Variants in ST18 observed in about 807,000 individuals in gnomAD.
The protein encoded by ST18 is ST18 C2H2C-type zinc finger transcription factor.
ST18 carries 50 observed loss-of-function variants against 110.0 expected under a neutral mutation model. The ratio of observed to expected loss-of-function variants is 0.45; its 90% CI spans 0.36 to 0.58. ST18 has a LOEUF of 0.58. ST18 is among the 20% of genes least tolerant of loss of function. The probability of loss-of-function intolerance (pLI) is 0.00; values close to 1 mark genes in which losing one functional copy is unlikely to be tolerated. For missense variants in ST18, 1,306 were observed against 1,280.1 expected, an observed-to-expected ratio of 1.02 and a Z score of -0.31; for synonymous variants, 461 against 452.4, an observed-to-expected ratio of 1.02 and a Z score of -0.24.
chr8:52,401,858 T>C (rs1842892448), intron 2 of ST18, among the ~76,000 whole-genome samples: 1 of 152,190 alleles, frequency 6.6e-6, no homozygotes, highest in Admixed American at 6.5e-5. Flanking sequence ...TTCCTTGCTT[T>C]TTCATATTTC....
intron 15 of ST18, among the ~76,000 whole-genome samples, chr8:52,150,268 G>A (rs1373993430): frequency 6.6e-6 from 1 of 151,808 alleles, no homozygotes; most frequent in Admixed American, 6.6e-5. Flanking sequence ...ATGTGTGTGT[G>A]TGTGTGTGTG....
At chr8:52,271,329 T>A (rs946408200) in intron 2 of ST18, among the ~76,000 whole-genome samples, 5 of 152,192 alleles carry the variant, frequency 3.3e-5, no homozygotes, top group East Asian at 1.9e-4. Context: ...CCACCATGGA[T>A]CCAGGAGAGA....
chr8:52,219,208 A>G (rs902374820), intron 5 of ST18, among the ~76,000 whole-genome samples: 3 of 152,182 alleles, frequency 2.0e-5, no homozygotes, highest in Non-Finnish European at 4.4e-5. Flanking sequence ...AGGAAAAATC[A>G]TGGGAAAAAT....
At chr8:52,391,208 C>A (rs1026771210) in intron 2 of ST18, among the ~76,000 whole-genome samples, 6 of 152,296 alleles carry the variant, frequency 3.9e-5, no homozygotes, top group South Asian at 2.1e-4. Flanking sequence ...CCAGAGCCTT[C>A]TCTCATTCTC....
intron 2 of ST18, among the ~76,000 whole-genome samples, chr8:52,314,290 C>T (rs1011195085): frequency 6.6e-6 from 1 of 152,176 alleles, no homozygotes; most frequent in Non-Finnish European, 1.5e-5. Flanking sequence ...GGACTGTGTG[C>T]CGCTGGTTGG....
intron 23 of ST18, among the ~76,000 whole-genome samples, chr8:52,124,421 G>T (rs145680898): frequency 8.7e-4 from 133 of 152,080 alleles, no homozygotes; most frequent in African/African-American, 3.1e-3. Context: ...TGATCTGCCC[G>T]CCTCGGCCTC....
intron 8 of ST18, among the ~76,000 whole-genome samples, chr8:52,191,186 T>G (rs1320804773): frequency 6.6e-6 from 1 of 152,180 alleles, no homozygotes; most frequent in Non-Finnish European, 1.5e-5. Flanking sequence ...TAGAGGTATC[T>G]GTGCTCAGAA....
At chr8:52,151,218 C>T (rs1407017026) in intron 15 of ST18, among the ~76,000 whole-genome samples, 4 of 152,054 alleles carry the variant, frequency 2.6e-5, no homozygotes, top group African/African-American at 4.8e-5. Flanking sequence ...CCCAAACAGG[C>T]GCCACTGGGC....
chr8:52,306,094 C>T lies in ST18; in HGVS notation c.-464-76017G>A, dbSNP rs533682383. ...CCACACAGCCACACTCCACATCATGCAGCATGGCTGACTGTTCCCTAGGCT... is the reference window on the plus strand; with the variant it reads ...CCACACAGCCACACTCCACATCATGTAGCATGGCTGACTGTTCCCTAGGCT... On this transcript the variant is annotated intron_variant, in intron 2 of 25. Coordinates refer to ENST00000689386, the MANE Select transcript of ST18 (RefSeq NM_001352837.2). Among the ~76,000 whole-genome samples the T allele has an allele frequency of 2.0e-5, 3 of 152,354 alleles. No individual in the cohort carries two copies. The East Asian group carries it at 5.8e-4, about 29-fold the overall frequency.
intron 2 of ST18, among the ~76,000 whole-genome samples, chr8:52,311,237 C>T (rs2095901917): frequency 6.6e-6 from 1 of 152,180 alleles, no homozygotes; most frequent in Non-Finnish European, 1.5e-5. Context: ...CAGTGAGGAC[C>T]AGGCTGAGCT....
intron 2 of ST18, among the ~76,000 whole-genome samples, chr8:52,340,140 C>T (rs1254530178): frequency 2.0e-5 from 3 of 152,246 alleles, no homozygotes; most frequent in Non-Finnish European, 4.4e-5. Context: ...CTTCGAAGCT[C>T]AATGCCATCT....
In ST18 at chr8:52,165,197, C is replaced by G; in HGVS notation, c.1233G>C (p.Lys411Asn). Residue 411 changes from lysine (K) to asparagine (N), a missense_variant, in exon 12 of 26, where the codon AAG (lysine) becomes AAC (asparagine). By Grantham distance (94) the Lys-to-Asn change is moderately conservative (BLOSUM62 0). Coordinates refer to ENST00000689386, the MANE Select transcript of ST18 (RefSeq NM_001352837.2). ...TTCCTGTGCATCCCGGCGTGGGACACTTGAGCACATTTTCATGCATGGCAA... is the reference window on the plus strand; with the variant it reads ...TTCCTGTGCATCCCGGCGTGGGACAGTTGAGCACATTTTCATGCATGGCAA... ...EILAMHENVL[K>N]CPTPGCTGRG... 1 of 1,614,192 alleles carries G rather than the reference C, an allele frequency of 6.2e-7. No homozygotes were observed. Among genetic ancestry groups the G allele is most frequent in the Non-Finnish European group, 8.5e-7 (1 of 1,180,026 alleles).
At chr8:52,276,918 C>A (rs1298248984) in intron 2 of ST18, among the ~76,000 whole-genome samples, 1 of 152,042 alleles carries the variant, frequency 6.6e-6, no homozygotes, top group East Asian at 1.9e-4. Context: ...TGGTGCCCAC[C>A]ACCACGCCCA....
chr8:52,353,322 ATAAAT>A (rs1403179298), intron 2 of ST18, among the ~76,000 whole-genome samples: 2 of 152,360 alleles, frequency 1.3e-5, no homozygotes, highest in Admixed American at 6.5e-5. Flanking sequence ...CTCACTATAA[ATAAAT>A]TATTTTAAAG....
At chr8:52,374,849 C>A (rs1219466425) in intron 2 of ST18, among the ~76,000 whole-genome samples, 1 of 152,188 alleles carries the variant, frequency 6.6e-6, no homozygotes, top group Non-Finnish European at 1.5e-5. Flanking sequence ...CATATCCCTG[C>A]AAAGGACATG....
intron 23 of ST18, among the ~76,000 whole-genome samples, chr8:52,120,437 G>T (rs941941634): frequency 2.6e-5 from 4 of 152,150 alleles, no homozygotes; most frequent in African/African-American, 9.7e-5. Flanking sequence ...TGTTCTGAAG[G>T]AAGCACAAAG....
chr8:52,131,538 A>G (rs553927165), intron 22 of ST18, among the ~76,000 whole-genome samples: 35 of 152,318 alleles, frequency 2.3e-4, no homozygotes, highest in African/African-American at 7.7e-4. Context: ...AAATAACTAC[A>G]ATTTTGCCCC....
chr8:52,348,925 A>G (rs943186127), intron 2 of ST18, among the ~76,000 whole-genome samples: 1 of 152,152 alleles, frequency 6.6e-6, no homozygotes, highest in Non-Finnish European at 1.5e-5. Flanking sequence ...TTACAATACC[A>G]TATTGTACAA....
intron 2 of ST18, among the ~76,000 whole-genome samples, chr8:52,347,577 CTTG>C (rs1818344906): frequency 6.6e-6 from 1 of 152,092 alleles, no homozygotes; most frequent in Admixed American, 6.6e-5. Flanking sequence ...CCTCATTTTT[CTTG>C]TTGGTGAGCC....
Sources: allele counts gnomAD v4.1 joint callset (sites outside exome capture counted in the v4.1 genomes callset), GRCh38; gene constraint gnomAD v4.1.1; transcripts MANE v1.5; gene names NCBI Gene and HGNC (gene_info 2026-07-23, HGNC 2026-07-21).